Variants in CHRM3 observed in about 807,000 individuals in gnomAD.
CHRM3 encodes the protein muscarinic acetylcholine receptor M3.
In CHRM3, 11 loss-of-function variants were observed where a neutral mutation model predicts 41.8. The ratio of observed to expected loss-of-function variants is 0.26; its 90% CI spans 0.17 to 0.44. The LOEUF is 0.44. Among genes scored for constraint, CHRM3 ranks in the 20% least tolerant of loss-of-function variants. The pLI is 1.00. For synonymous variants in CHRM3, 297 were observed against 301.4 expected (o/e 0.99, Z 0.15); for missense variants, 571 against 745.4 (o/e 0.77, Z 2.72).
intron 5 of CHRM3, among the ~76,000 whole-genome samples, chr1:239,750,057 C>T (rs1173320938): frequency 6.6e-6 from 1 of 152,192 alleles, no homozygotes; most frequent in Non-Finnish European, 1.5e-5. Context: ...ATTACTTCGT[C>T]ATATTGTAAG....
At chr1:239,813,940 A>T (rs1244707590) in intron 5 of CHRM3, among the ~76,000 whole-genome samples, 1 of 148,232 alleles carries the variant, frequency 6.7e-6, no homozygotes, top group Non-Finnish European at 1.5e-5. Flanking sequence ...AAAAACTCAC[A>T]GTTGTAGACT....
chr1:239,524,900 G>T (rs987664812), intron 2 of CHRM3, among the ~76,000 whole-genome samples: 1 of 151,892 alleles, frequency 6.6e-6, no homozygotes, highest in African/African-American at 2.4e-5. Flanking sequence ...GATAAATTAA[G>T]AATTTTTAAA....
At chr1:239,602,962 C>A (rs1665794495) in intron 3 of CHRM3, among the ~76,000 whole-genome samples, 1 of 152,052 alleles carries the variant, frequency 6.6e-6, no homozygotes, top group African/African-American at 2.4e-5. Context: ...GTCTCCAGAC[C>A]TTTTTAATGT....
chr1:239,595,738 G>A (rs886301826), intron 3 of CHRM3, among the ~76,000 whole-genome samples: 5 of 152,100 alleles, frequency 3.3e-5, no homozygotes, highest in Admixed American at 6.5e-5. Context: ...ACTCTAAAAT[G>A]GTACATTTGC....
chr1:239,470,764 A>G (rs971660324), intron 1 of CHRM3, among the ~76,000 whole-genome samples: 4 of 152,144 alleles, frequency 2.6e-5, no homozygotes, highest in African/African-American at 9.7e-5. Context: ...ATCACATTAC[A>G]TGGCATTGTT....
At chr1:239,794,215 G>T (rs1099076) in intron 5 of CHRM3, among the ~76,000 whole-genome samples, 85,558 of 151,878 alleles carry the variant, frequency 0.56, 25,947 homozygotes, top group African/African-American at 0.8. Flanking sequence ...ATATCAGCTA[G>T]TAGCTCTAAC....
intron 3 of CHRM3, among the ~76,000 whole-genome samples, chr1:239,624,716 A>G (rs1311701100): frequency 3.3e-5 from 3 of 90,078 alleles, no homozygotes; most frequent in South Asian, 5.4e-4. Flanking sequence ...CTTTCTACAT[A>G]TGGCTAGCCA....
intron 5 of CHRM3, chr1:239,703,167 T>C (rs1660843516): frequency 6.6e-6 from 1 of 152,156 alleles, no homozygotes; most frequent in African/African-American, 2.4e-5. Context: ...TCAATTATCT[T>C]ACAAGTTCAC....
chr1:239,604,704 G>A (rs868385503), intron 3 of CHRM3, among the ~76,000 whole-genome samples: 4 of 152,184 alleles, frequency 2.6e-5, no homozygotes, highest in African/African-American at 2.4e-5. Context: ...GATATCTGAT[G>A]CATTCCAACC....
intron 1 of CHRM3, among the ~76,000 whole-genome samples, chr1:239,430,840 A>G (rs1043114069): frequency 5.4e-5 from 8 of 149,368 alleles, no homozygotes; most frequent in Non-Finnish European, 1.0e-4. Context: ...TGATTTTTCT[A>G]TAATAGGTGA....
Position 239,908,892 on chromosome 1 carries a change from A to T in CHRM3, c.1441A>T (p.Met481Leu). 6.2e-7 allele frequency: 1 copy of T among 1,614,092 alleles called. No individual in the cohort carries two copies. The highest frequency in any genetic ancestry group is 8.5e-7 in the Non-Finnish European group (1 of 1,180,026). The stretch of plus-strand genomic sequence containing the variant: ...AAGTCAGATCACTAAGCGGAAAAGG[A>T]TGTCCCTGGTCAAGGAGAAGAAAGC... ...TRSQITKRKRMSLVKEKKAAQ... is the reference protein window; with the variant it reads ...TRSQITKRKRLSLVKEKKAAQ... Residue 481 changes from methionine (M) to leucine (L), a missense_variant, in exon 7 of 7, where the codon ATG becomes TTG. By Grantham distance (15) the Met-to-Leu change is conservative. Around this residue, in one of 5 missense-constraint regions of CHRM3, gnomAD observed 239 missense variants for 239.6 expected, o/e 1.00. Transcript: ENST00000676153. The surrounding 1 kb of genome is among the most constrained non-coding windows in gnomAD (Gnocchi z 7.2).
intron 4 of CHRM3, among the ~76,000 whole-genome samples, chr1:239,653,562 A>T (rs1384214817): frequency 1.3e-5 from 2 of 152,212 alleles, no homozygotes; most frequent in African/African-American, 2.4e-5. Context: ...CTTCAGATAC[A>T]GAAGCCTGTG....
At chr1:239,486,008 A>G (rs1667161756) in intron 1 of CHRM3, among the ~76,000 whole-genome samples, 1 of 152,200 alleles carries the variant, frequency 6.6e-6, no homozygotes, top group Non-Finnish European at 1.5e-5. Context: ...TTACTCCTGA[A>G]CTAATGCAAT....
chr1:239,744,606 G>A (rs997265342), intron 5 of CHRM3, among the ~76,000 whole-genome samples: 1 of 152,178 alleles, frequency 6.6e-6, no homozygotes, highest in Non-Finnish European at 1.5e-5. Context: ...AGCAAGCTAG[G>A]GGATGTTCAC....
At position 239,450,845 on chromosome 1, in the gene CHRM3, A is replaced by G. The variant is rs1295629142; in HGVS notation, c.-520-41864A>G. ...TCACAATACATAAAATCAGTGTTCA[A>G]GGAGCTGTATCAGTTTTAAATTTGA... is the stretch of plus-strand genomic sequence containing the variant. On this transcript the variant is annotated intron_variant, in intron 1 of 6. Transcript: ENST00000676153. Among the ~76,000 whole-genome samples the G allele has an allele frequency of 2.0e-5, 3 of 152,234 alleles. No individual in the cohort carries two copies. In the East Asian group the frequency reaches 5.8e-4, roughly 29 times the overall value.
intron 3 of CHRM3, among the ~76,000 whole-genome samples, chr1:239,580,704 T>TATATATATATATATATATATATAC (rs570878631): frequency 1.5e-5 from 2 of 131,086 alleles, no homozygotes; most frequent in Non-Finnish European, 3.2e-5. Flanking sequence ...TATATATATA[T>TATATATATATATATATATATATAC]ACACACACAC....
intron 3 of CHRM3, among the ~76,000 whole-genome samples, chr1:239,600,293 C>T (rs1352561123): frequency 6.6e-6 from 1 of 151,964 alleles, no homozygotes; most frequent in African/African-American, 2.4e-5. Flanking sequence ...GCATTCTCTG[C>T]CCTCTTTCAT....
At chr1:239,595,294 C>T (rs963444433) in intron 3 of CHRM3, among the ~76,000 whole-genome samples, 10 of 152,204 alleles carry the variant, frequency 6.6e-5, no homozygotes, top group South Asian at 4.2e-4. Flanking sequence ...TTTTATATCA[C>T]GGACTTGAGC....
intron 5 of CHRM3, among the ~76,000 whole-genome samples, chr1:239,779,732 C>G (rs145697698): frequency 6.6e-5 from 10 of 152,182 alleles, no homozygotes; most frequent in Middle Eastern, 3.4e-3. Context: ...AAGACACTGT[C>G]TCAAAAAAAG....
Sources: allele counts gnomAD v4.1 joint callset (sites outside exome capture counted in the v4.1 genomes callset), GRCh38; gene constraint gnomAD v4.1.1; regional missense constraint gnomAD v4.1.1; non-coding constraint Gnocchi (gnomAD v3.1); transcripts MANE v1.5; gene names NCBI Gene and HGNC (gene_info 2026-07-23, HGNC 2026-07-21).